QSOX2: variants seen among roughly 807,000 people sequenced by gnomAD.
QSOX2 encodes sulfhydryl oxidase 2.
QSOX2 carries 46 observed loss-of-function variants against 61.7 expected under a neutral mutation model. That is an observed-to-expected ratio of 0.75 (90% CI 0.59 to 0.95). The LOEUF (loss-of-function observed/expected upper bound fraction) is 0.95. Among genes scored for constraint, QSOX2 ranks in the 40% least tolerant of loss-of-function variants. The pLI is 0.00. For missense variants in QSOX2, 879 were observed against 918.9 expected (o/e 0.96, Z 0.56); for synonymous variants, 383 against 388.4 (o/e 0.99, Z 0.16).
At position 136,235,598 on chromosome 9, in the gene QSOX2, A is replaced by T. The variant is rs190217944; in HGVS notation, c.329-8724T>A. On this transcript the variant is annotated intron_variant, in intron 1 of 11. Transcript: ENST00000358701. ...CGGGCAGCCACTGATGTGCGTGGAG[A>T]ACTCATAACCACCACGACGTCTGAG... is the stretch of plus-strand genomic sequence containing the variant. Among the ~76,000 whole-genome samples the T allele has an allele frequency of 2.0e-4, 30 of 152,220 alleles. No individual in the cohort carries two copies. In the East Asian group the frequency reaches 4.6e-3, roughly 24 times the overall value.
intron 3 of QSOX2, among the ~76,000 whole-genome samples, chr9:136,224,434 G>A (rs946304728): frequency 2.0e-5 from 3 of 152,116 alleles, no homozygotes; most frequent in African/African-American, 7.2e-5. Context: ...CACAGGCAGA[G>A]CCCCCCCAGG....
rs1013217988 is a variant in QSOX2 at position 136,208,164 on chromosome 9, T to A, written c.*564A>T. On this transcript the variant is annotated 3_prime_UTR_variant, in exon 12 of 12. Transcript: ENST00000358701. ...AACACAGGATAGTCCCTGGAGCACT[T>A]GCTTGGAGGGGCTGCAGAGGCCGAC... 3.3e-5 allele frequency: 5 copies of A among 150,950 alleles called. No homozygotes were observed. Among genetic ancestry groups the A allele is most frequent in the Non-Finnish European group, 5.9e-5 (4 of 67,810 alleles). 9.4% of individuals were successfully genotyped at this position (150,950 alleles called of 1,614,324 possible).
rs745954157 is a variant in QSOX2, at chr9:136,226,858, A to C, written c.345T>G (p.Ile115Met). The change falls in exon 2 of 12, where the codon ATT becomes ATG. Residue 115 changes from isoleucine to methionine, a missense_variant. Coordinates refer to ENST00000358701, the MANE Select transcript of QSOX2 (RefSeq NM_181701.4). ...AGDVRDWASAIRVAALDCMEE... is the reference protein window; with the variant it reads ...AGDVRDWASAMRVAALDCMEE... Reference sequence around the variant, plus strand: ...CCATGCAGTCCAGAGCTGCGACGCGAATGGCACTGGCCCAGTCTGAAAAGC... The same window carrying C: ...CCATGCAGTCCAGAGCTGCGACGCGCATGGCACTGGCCCAGTCTGAAAAGC... 22 of 1,614,024 alleles carry C rather than the reference A, an allele frequency of 1.4e-5. 1 individual carries two copies. In the African/African-American group the frequency reaches 1.9e-4, roughly 14 times the overall value.
Position 136,209,811 on chromosome 9 carries a change from G to A in QSOX2, c.1550-536C>T. On this transcript the variant is annotated intron_variant, in intron 11 of 11. Transcript: ENST00000358701. The surrounding 1 kb of genome is among the most constrained non-coding windows in gnomAD (Gnocchi z 5.6). ...AGCAATGAATTTCCACTGCACTTCA[G>A]GTACACTGGCCCTTTCCGGACTACA... is the stretch of plus-strand genomic sequence containing the variant. 1.0e-6 allele frequency: 1 copy of A among 985,354 alleles called. No individual in the cohort carries two copies. The highest frequency in any genetic ancestry group is 1.7e-5 in the African/African-American group (1 of 57,356). The allele number at this position is 985,354 out of a possible 1,614,324, so 61.0% of individuals were successfully genotyped here. A position where few individuals can be genotyped will look rare whatever the true frequency, so the allele number is the denominator to read the frequency against.
chr9:136,214,005 A>G (rs1831880023), intron 10 of QSOX2, among the ~76,000 whole-genome samples: 1 of 152,132 alleles, frequency 6.6e-6, no homozygotes, highest in Non-Finnish European at 1.5e-5. Context: ...ATTTTAGGTT[A>G]GTTTGTTATG....
Position 136,231,178 on chromosome 9 carries a change from G to C in QSOX2, c.329-4304C>G, listed in dbSNP as rs565394096. 2.0e-5 allele frequency among the ~76,000 whole-genome samples: 3 copies of C among 152,344 alleles called. No homozygotes were observed. The East Asian group carries it at 5.8e-4, about 29-fold the overall frequency. On this transcript the variant is annotated intron_variant, in intron 1 of 11. Transcript: ENST00000358701. ...GGAAACTGATGCTCACAGAGGCCGA[G>C]GAAGGCTCCAAAGTCCGTCAGGTCC...
intron 1 of QSOX2, among the ~76,000 whole-genome samples, chr9:136,232,917 C>CAAAAAAAAAA (rs60814748): frequency 4.4e-5 from 2 of 45,482 alleles, no homozygotes; most frequent in South Asian, 6.9e-4. Context: ...GAACCTGTCT[C>CAAAAAAAAAA]AAAAAAAAAA....
chr9:136,241,921 T>C (rs916829198), intron 1 of QSOX2, among the ~76,000 whole-genome samples: 7 of 152,174 alleles, frequency 4.6e-5, no homozygotes, highest in African/African-American at 1.4e-4. Flanking sequence ...GCCCTGCCTT[T>C]AGGGTGCACC....
Position 136,211,269 on chromosome 9 carries a change from A to G in QSOX2, c.1544T>C (p.Leu515Pro). The G allele has an allele frequency of 6.2e-7, 1 of 1,613,742 alleles. No homozygotes were observed. The highest frequency in any genetic ancestry group is 8.5e-7 in the Non-Finnish European group (1 of 1,179,678). The change falls in exon 11 of 12, where the codon CTG becomes CCG. Residue 515 changes from leucine to proline, a missense_variant. Coordinates refer to ENST00000358701, the MANE Select transcript of QSOX2 (RefSeq NM_181701.4). ...WKKHNMVNGR[L>P]AGHLSEDPRF... Reference sequence around the variant, plus strand: ...CATGCCCAGGGGCTTCTCACCTGCCAGGCGGCCGTTCACCATATTATGCTT... The same window carrying G: ...CATGCCCAGGGGCTTCTCACCTGCCGGGCGGCCGTTCACCATATTATGCTT...
chr9:136,238,128 C>T lies in QSOX2; in HGVS notation c.328+7348G>A, dbSNP rs555687304. 5.3e-5 allele frequency among the ~76,000 whole-genome samples: 8 copies of T among 152,316 alleles called. No homozygotes were observed. The East Asian group carries it at 1.2e-3, about 22-fold the overall frequency. ...CGTGCCCCAGGTCACAGCCCTTGGG[C>T]GAGCCTGTGCAACACCCCAACATGA... On this transcript the variant is annotated intron_variant, in intron 1 of 11. Transcript: ENST00000358701.
In QSOX2 at chr9:136,223,866, A is replaced by G; in HGVS notation, c.585-13T>C. 6.2e-7 allele frequency: 1 copy of G among 1,613,628 alleles called. No homozygotes were observed. Among genetic ancestry groups the G allele is most frequent in the Non-Finnish European group, 8.5e-7 (1 of 1,179,684 alleles). On this transcript the variant is annotated splice_polypyrimidine_tract_variant and intron_variant, in intron 4 of 11. Coordinates refer to ENST00000358701, the MANE Select transcript of QSOX2 (RefSeq NM_181701.4). The surrounding 1 kb of genome is among the most constrained non-coding windows in gnomAD (Gnocchi z 4.4). ...AACATCACTGGGCCTTTCAAGAGGA[A>G]AAAAAGAGGCTTTTAGTGCCGTCAA...
rs139059814 is a variant in QSOX2, at chr9:136,216,526, C to A, written c.1209+74G>T. The A allele has an allele frequency of 4.8e-3, 7,583 of 1,579,542 alleles. 25 individuals carry two copies. Among genetic ancestry groups the A allele is most frequent in the Non-Finnish European group, 5.4e-3 (6,302 of 1,156,758 alleles). On this transcript the variant is annotated intron_variant, in intron 9 of 11. Transcript: ENST00000358701. ...AGCCCGGGCCCCGAGCAGGGAGATGCACCAGCTAAGGGCAAGGGAAGGAAG... is the reference window on the plus strand; with the variant it reads ...AGCCCGGGCCCCGAGCAGGGAGATGAACCAGCTAAGGGCAAGGGAAGGAAG...
intron 10 of QSOX2, 147 bp downstream of exon 10, chr9:136,215,007 G>C (rs1484908884): frequency 1.1e-6 from 1 of 941,020 alleles, no homozygotes; most frequent in African/African-American, 1.7e-5. Flanking sequence ...CTGACCGTGT[G>C]AGAGGAGTCT....
rs767982961 is a variant in QSOX2, at chr9:136,215,143, G to A, written c.1360+11C>T. ...CCATCGGCCCCTCTGGCCTGTATGGGCACAGCTTACCTGTGCCAACCAGTG... is the reference window on the plus strand; with the variant it reads ...CCATCGGCCCCTCTGGCCTGTATGGACACAGCTTACCTGTGCCAACCAGTG... On this transcript the variant is annotated intron_variant, in intron 10 of 11. Coordinates refer to ENST00000358701, the MANE Select transcript of QSOX2 (RefSeq NM_181701.4). The A allele has an allele frequency of 7.4e-6, 12 of 1,612,436 alleles. No homozygotes were observed. The Admixed American group carries it at 1.8e-4, about 25-fold the overall frequency.
At chr9:136,229,894 A>C (rs12338076) in intron 1 of QSOX2, among the ~76,000 whole-genome samples, 72,805 of 152,162 alleles carry the variant, frequency 0.48, 20,499 homozygotes, top group African/African-American at 0.8. Flanking sequence ...GGCAACACAG[A>C]GCCCTGCACA....
At chr9:136,240,496 A>G (rs1484945585) in intron 1 of QSOX2, among the ~76,000 whole-genome samples, 1 of 152,200 alleles carries the variant, frequency 6.6e-6, no homozygotes, top group Non-Finnish European at 1.5e-5. Flanking sequence ...CTCCTTCCTG[A>G]GTCAGGGCCA....
chr9:136,215,862 G>A (rs1225864652), intron 9 of QSOX2, among the ~76,000 whole-genome samples: 1 of 152,200 alleles, frequency 6.6e-6, no homozygotes, highest in African/African-American at 2.4e-5. Context: ...ACGTGCTCTC[G>A]AGGGAGATGT....
chr9:136,240,113 G>A (rs1015991085), intron 1 of QSOX2, among the ~76,000 whole-genome samples: 4 of 152,162 alleles, frequency 2.6e-5, no homozygotes, highest in Non-Finnish European at 5.9e-5. Context: ...CAGGGGCGGG[G>A]GTGCCCAACC....
rs750853432 is a variant in QSOX2 at position 136,215,168 on chromosome 9, G to A, written c.1346C>T (p.Ala449Val). ...LTVEASTHPD[A>V]LVGTGFEDDP... ...GCACAGCTTACCTGTGCCAACCAGT[G>A]CATCTGGGTGGGTCGAGGCTTCAAC... Residue 449 changes from alanine to valine, a missense_variant, in exon 10 of 12, where the codon GCA becomes GTA. Physicochemically the swap from Ala to Val is moderately conservative, Grantham distance 64. Transcript: ENST00000358701. 1.2e-6 allele frequency: 2 copies of A among 1,613,830 alleles called. No individual in the cohort carries two copies. Among genetic ancestry groups the A allele is most frequent in the Non-Finnish European group, 1.7e-6 (2 of 1,179,952 alleles).
Sources: allele counts gnomAD v4.1 joint callset (sites outside exome capture counted in the v4.1 genomes callset), GRCh38; gene constraint gnomAD v4.1.1; non-coding constraint Gnocchi (gnomAD v3.1); transcripts MANE v1.5; gene names NCBI Gene and HGNC (gene_info 2026-07-23, HGNC 2026-07-21).